Variants in PLB1 observed in about 807,000 individuals in gnomAD.
PLB1 encodes phospholipase B1, also known as phospholipase B1, membrane-associated.
PLB1 carries 242 observed loss-of-function variants against 227.4 expected under a neutral mutation model. The observed-to-expected ratio is 1.06, with a 90% CI of 0.96 to 1.18. The LOEUF (loss-of-function observed/expected upper bound fraction) is 1.18. Among genes scored for constraint, PLB1 ranks in the 50% most tolerant of loss-of-function variants. PLB1 has a pLI of 0.00. For missense variants in PLB1, 1,858 were observed against 1,816.3 expected (o/e 1.02, Z -0.42); for synonymous variants, 757 against 682.2 (o/e 1.11, Z -1.71).
chr2:28,602,841 C>T lies in PLB1; in HGVS notation c.2694C>T (p.Asn898=), dbSNP rs1374280909. The change falls in exon 39 of 58, where the codon AAC becomes AAT. Residue 898 remains asparagine, a synonymous_variant. Coordinates refer to ENST00000327757, the MANE Select transcript of PLB1 (RefSeq NM_153021.5). ...LHREVPRVLV[N]LVDFLNPTIM... is the part of the protein sequence containing the mutation. ...CTTAGGTGCCCAGAGTCCTGGTCAA[C>T]CTCGTGGACTTCCTGAACCCCACTA... 1 of 1,614,042 alleles carries T rather than the reference C, an allele frequency of 6.2e-7. No individual in the cohort carries two copies. The highest frequency in any genetic ancestry group is 8.5e-7 in the Non-Finnish European group (1 of 1,180,016).
chr2:28,642,733 G>A, intron 57 of PLB1, 125 bp from the exon 58 acceptor site: 2 of 849,448 alleles, frequency 2.4e-6, no homozygotes, highest in Non-Finnish European at 3.6e-6. Context: ...CTTTACAAAA[G>A]GGAAGCTCTG....
intron 33 of PLB1, chr2:28,594,340 C>T (rs1303614516): frequency 4.7e-5 from 10 of 210,754 alleles, no homozygotes; most frequent in Non-Finnish European, 9.0e-5. Flanking sequence ...GTGTGTCAGG[C>T]GAGCGGTTGC....
chr2:28,617,759 G>A lies in PLB1; in HGVS notation c.3228G>A (p.Trp1076Ter), dbSNP rs1686400178. ...GCAGTGACTTCCTGTGTACAGAGTGGAAGGCTTCCAATAGTGTTCCAACCT... is the reference window on the plus strand; with the variant it reads ...GCAGTGACTTCCTGTGTACAGAGTGAAAGGCTTCCAATAGTGTTCCAACCT... The part of the protein sequence containing the change: ...NWGSDFLCTE[W>*]KASNSVPTSV... Residue 1076 changes from tryptophan (W) to a stop codon, truncating the protein, a stop_gained, in exon 45 of 58, where the codon TGG becomes TGA. Coordinates refer to ENST00000327757, the MANE Select transcript of PLB1 (RefSeq NM_153021.5). LOFTEE classifies it high-confidence loss of function. 6.2e-7 allele frequency: 1 copy of A among 1,614,158 alleles called. No homozygotes were observed. Among genetic ancestry groups the A allele is most frequent in the Non-Finnish European group, 8.5e-7 (1 of 1,180,002 alleles).
intron 42 of PLB1, 129 bp from the exon 43 acceptor site, chr2:28,606,367 C>A: frequency 1.1e-6 from 1 of 890,820 alleles, no homozygotes; most frequent in South Asian, 1.6e-5. Flanking sequence ...ACTGGCAGAG[C>A]CAGAAGTGGG....
intron 1 of PLB1, among the ~76,000 whole-genome samples, chr2:28,501,562 G>A (rs1008066484): frequency 5.9e-5 from 9 of 152,012 alleles, no homozygotes; most frequent in Admixed American, 2.0e-4. Context: ...TTCAAAAGTC[G>A]AAGCTATATG....
intron 9 of PLB1, among the ~76,000 whole-genome samples, chr2:28,537,252 G>C (rs556391945): frequency 6.6e-6 from 1 of 152,316 alleles, no homozygotes; most frequent in African/African-American, 2.4e-5. Flanking sequence ...GTCACTGCCT[G>C]TGTCCCCTCC....
chr2:28,566,853 G>A lies in PLB1; in HGVS notation c.1324+14G>A, dbSNP rs774122772. 5 of 1,613,862 alleles carry A rather than the reference G, an allele frequency of 3.1e-6. No homozygotes were observed. The East Asian group carries it at 1.1e-4, about 36-fold the overall frequency. ...CCACCCTGGCGAGTGAGTACGCGGCGGCGGCCGGGATGTTTGGTTTGGGGC... is the reference window on the plus strand; with the variant it reads ...CCACCCTGGCGAGTGAGTACGCGGCAGCGGCCGGGATGTTTGGTTTGGGGC... On this transcript the variant is annotated intron_variant, in intron 20 of 57. Coordinates refer to ENST00000327757, the MANE Select transcript of PLB1 (RefSeq NM_153021.5).
At chr2:28,640,213 G>A (rs766363503) in intron 56 of PLB1, among the ~76,000 whole-genome samples, 25 of 152,164 alleles carry the variant, frequency 1.6e-4, no homozygotes, top group Non-Finnish European at 3.5e-4. Context: ...CTCTGAATAG[G>A]TGACAGTGCC....
At chr2:28,509,523 T>C (rs1406891382) in intron 1 of PLB1, among the ~76,000 whole-genome samples, 1 of 152,246 alleles carries the variant, frequency 6.6e-6, no homozygotes, top group Non-Finnish European at 1.5e-5. Context: ...CAAAGCCTGA[T>C]GTCTCCATGG....
chr2:28,591,117 C>A lies in PLB1; in HGVS notation c.2089-16C>A. On this transcript the variant is annotated splice_polypyrimidine_tract_variant and intron_variant, in intron 29 of 57. Coordinates refer to ENST00000327757, the MANE Select transcript of PLB1 (RefSeq NM_153021.5). The stretch of plus-strand genomic sequence containing the variant: ...AGCAGAATTTGCTGCCATTGCTCAC[C>A]CCCCTCTCCTCACAGGTCCAGCCGT... 2 of 1,614,128 alleles carry A rather than the reference C, an allele frequency of 1.2e-6. No individual in the cohort carries two copies. The highest frequency in any genetic ancestry group is 1.7e-6 in the Non-Finnish European group (2 of 1,180,006).
chr2:28,600,935 G>C, intron 36 of PLB1, 75 bp downstream of exon 36: 15 of 1,339,016 alleles, frequency 1.1e-5, no homozygotes, highest in Non-Finnish European at 1.6e-5. Context: ...GGAGTGGCCT[G>C]CTCTGAAAAG....
rs1450050146 is a variant in PLB1, at chr2:28,592,669, C to G, written c.2197C>G (p.Leu733Val). 4.3e-6 allele frequency: 7 copies of G among 1,614,018 alleles called. No individual in the cohort carries two copies. In the Admixed American group the frequency reaches 5.0e-5, roughly 12 times the overall value. Reference protein sequence around the residue: ...SALHPTSVHALRPADIQVVAA... With the variant: ...SALHPTSVHAVRPADIQVVAA... ...TCCACTTGTCTTTCCAGTGCATGCCCTGAGACCTGCAGACATCCAAGTTGT... is the reference window on the plus strand; with the variant it reads ...TCCACTTGTCTTTCCAGTGCATGCCGTGAGACCTGCAGACATCCAAGTTGT... Residue 733 changes from leucine (L) to valine (V), a missense_variant, in exon 32 of 58, where the codon CTG (leucine) becomes GTG (valine). Coordinates refer to ENST00000327757, the MANE Select transcript of PLB1 (RefSeq NM_153021.5).
At position 28,591,236 on chromosome 2, in the gene PLB1, A is replaced by G. The variant is rs1681869029; in HGVS notation, c.2127+65A>G. 1.1e-5 allele frequency: 17 copies of G among 1,589,414 alleles called. 1 individual carries two copies. Among genetic ancestry groups the G allele is most frequent in the Admixed American group, 8.3e-5 (5 of 59,984 alleles). On this transcript the variant is annotated intron_variant, in intron 30 of 57. Coordinates refer to ENST00000327757, the MANE Select transcript of PLB1 (RefSeq NM_153021.5). ...CAATGGGCAACCCCTGGGCTGGGAC[A>G]GGCCCAACAGGACAGGGTGGGAAAG... is the stretch of plus-strand genomic sequence containing the variant.
chr2:28,615,604 G>A (rs1686086488), intron 44 of PLB1, among the ~76,000 whole-genome samples: 2 of 152,204 alleles, frequency 1.3e-5, no homozygotes, highest in South Asian at 4.1e-4. Flanking sequence ...GCTCACGTTA[G>A]CCCAGTGGAG....
At chr2:28,571,321 AG>A (rs1194297891) in intron 20 of PLB1, among the ~76,000 whole-genome samples, 1 of 152,192 alleles carries the variant, frequency 6.6e-6, no homozygotes, top group Non-Finnish European at 1.5e-5. Flanking sequence ...CTAAATAAGT[AG>A]AAAAACATCT....
intron 1 of PLB1, among the ~76,000 whole-genome samples, chr2:28,505,345 A>T (rs559769336): frequency 6.6e-6 from 1 of 152,254 alleles, no homozygotes; most frequent in Non-Finnish European, 1.5e-5. Context: ...CAAGCAATAC[A>T]TATGAAAACA....
At chr2:28,545,961 C>T (rs569105404) in intron 14 of PLB1, among the ~76,000 whole-genome samples, 10 of 152,308 alleles carry the variant, frequency 6.6e-5, no homozygotes, top group Non-Finnish European at 1.5e-4. Context: ...AGCTCTGCAG[C>T]CCACAAAGCC....
chr2:28,554,764 C>G (rs1436289330), intron 17 of PLB1, among the ~76,000 whole-genome samples: 3 of 152,000 alleles, frequency 2.0e-5, no homozygotes, highest in African/African-American at 7.3e-5. Context: ...AAGTGATAAC[C>G]AGCCAATCTC....
chr2:28,574,576 T>G (rs1678606226), intron 21 of PLB1, among the ~76,000 whole-genome samples: 1 of 102,680 alleles, frequency 9.7e-6, no homozygotes, highest in Non-Finnish European at 2.1e-5. Flanking sequence ...TTTTTTTTTT[T>G]GGTAGAGACA....
Sources: gnomAD v4.1 joint callset for allele counts (sites outside exome capture counted in the v4.1 genomes callset) on GRCh38, gnomAD v4.1.1 for gene constraint, MANE v1.5 for transcripts, NCBI Gene and HGNC (gene_info 2026-07-23, HGNC 2026-07-21) for gene names.